Variants in ST6GAL1 observed in about 807,000 individuals in gnomAD.
The protein encoded by ST6GAL1 is ST6 beta-galactoside alpha-2,6-sialyltransferase 1, also known as beta-galactoside alpha-2,6-sialyltransferase 1.
ST6GAL1 carries 20 observed loss-of-function variants against 38.0 expected under a neutral mutation model. That is an observed-to-expected ratio of 0.53 (90% CI 0.37 to 0.77). The LOEUF is 0.77. ST6GAL1 is among the 30% of genes least tolerant of loss of function. ST6GAL1 has a pLI of 0.00. For missense variants in ST6GAL1, 432 were observed against 496.4 expected (o/e 0.87, Z 1.23); for synonymous variants, 196 against 188.2 (o/e 1.04, Z -0.34).
At chr3:186,984,789 T>C (rs1051793234) in intron 2 of ST6GAL1, among the ~76,000 whole-genome samples, 1 of 25,094 alleles carries the variant, frequency 4.0e-5, no homozygotes, top group African/African-American at 1.4e-4. Context: ...CCTTCCTCCC[T>C]TCCTTCCTTC....
At chr3:186,955,858 C>T (rs1035108671) in intron 1 of ST6GAL1, among the ~76,000 whole-genome samples, 1 of 152,166 alleles carries the variant, frequency 6.6e-6, no homozygotes, top group African/African-American at 2.4e-5. Context: ...AGAGGTCCTT[C>T]ACTTCCCTTG....
At chr3:187,000,476 C>T (rs1052911864) in intron 2 of ST6GAL1, among the ~76,000 whole-genome samples, 14 of 151,926 alleles carry the variant, frequency 9.2e-5, no homozygotes, top group South Asian at 4.2e-4. Flanking sequence ...GCAGGAGAAT[C>T]GCTTGAACCC....
At chr3:187,074,097 C>G (rs1719479504) in intron 6 of ST6GAL1, 62 bp from the exon 7 acceptor site, 1 of 1,481,096 alleles carries the variant, frequency 6.8e-7, no homozygotes. Context: ...GAAGATGACT[C>G]CTGGGGGGAG....
At chr3:187,009,013 A>G (rs1054939586) in intron 2 of ST6GAL1, among the ~76,000 whole-genome samples, 1 of 152,162 alleles carries the variant, frequency 6.6e-6, no homozygotes, top group African/African-American at 2.4e-5. Flanking sequence ...AGATAGAATT[A>G]CTGAATTAAA....
chr3:187,050,552 GAGAGAGAGGGAGGGAGGGAAGGAA>G (rs1369315825), intron 4 of ST6GAL1, among the ~76,000 whole-genome samples: 37 of 104,352 alleles, frequency 3.5e-4, no homozygotes, highest in African/African-American at 1.1e-3. Context: ...GAGAGAGAGA[GAGAGAGAGGGAGGGAGGGAAGGAA>G]GGAGGGAGGG....
intron 2 of ST6GAL1, among the ~76,000 whole-genome samples, chr3:187,016,882 C>T (rs1272805848): frequency 6.6e-6 from 1 of 152,176 alleles, no homozygotes; most frequent in Non-Finnish European, 1.5e-5. Context: ...GACAAGATCA[C>T]CACGTGGGGA....
intron 5 of ST6GAL1, among the ~76,000 whole-genome samples, chr3:187,066,234 C>CT (rs1201675353): frequency 1.3e-5 from 2 of 152,106 alleles, no homozygotes; most frequent in Non-Finnish European, 2.9e-5. Context: ...TCTGGGGCTT[C>CT]TTGATTTGGG....
chr3:186,985,884 G>A (rs75333068), intron 2 of ST6GAL1, among the ~76,000 whole-genome samples: 10,690 of 152,308 alleles, frequency 0.07, 486 homozygotes, highest in South Asian at 0.13. Flanking sequence ...CGTGTATGTG[G>A]GCATTTCAGG....
At chr3:187,022,261 C>CACACAT in intron 2 of ST6GAL1, among the ~76,000 whole-genome samples, 1 of 151,880 alleles carries the variant, frequency 6.6e-6, no homozygotes, top group East Asian at 1.9e-4. Context: ...GTGGGACCCC[C>CACACAT]ACACATATGG....
intron 5 of ST6GAL1, among the ~76,000 whole-genome samples, chr3:187,056,832 AATT>A (rs773718747): frequency 2.0e-5 from 3 of 152,102 alleles, no homozygotes. Context: ...GTATTTCCTG[AATT>A]TGAATGTTGG....
intron 5 of ST6GAL1, among the ~76,000 whole-genome samples, chr3:187,062,907 C>T (rs937700013): frequency 3.9e-5 from 6 of 152,112 alleles, no homozygotes; most frequent in African/African-American, 9.7e-5. Context: ...TTATATGGAA[C>T]ACCTGGAGTA....
intron 2 of ST6GAL1, among the ~76,000 whole-genome samples, chr3:186,987,214 G>GAAAGA (rs1289256860): frequency 1.0e-4 from 15 of 145,830 alleles, no homozygotes; most frequent in African/African-American, 4.0e-4. Context: ...GAAAGAAAAG[G>GAAAGA]AAAGAAAGCA....
intron 2 of ST6GAL1, among the ~76,000 whole-genome samples, chr3:187,034,954 G>A (rs1717878610): frequency 6.6e-6 from 1 of 152,162 alleles, no homozygotes; most frequent in South Asian, 2.1e-4. Context: ...AGGAAAAGAA[G>A]TCAAACTGTC....
At position 187,078,429 on chromosome 3, in the gene ST6GAL1, C is replaced by T. The variant is rs1261932579; in HGVS notation, c.*2626C>T. Reference sequence around the variant, plus strand: ...ATGGGACCCTCTCTAATCCTTCCACCAATCAAATAAGCTATTGCTATTGGT... The same window carrying T: ...ATGGGACCCTCTCTAATCCTTCCACTAATCAAATAAGCTATTGCTATTGGT... On this transcript the variant is annotated 3_prime_UTR_variant, in exon 8 of 8. Transcript: ENST00000169298. The T allele has an allele frequency of 2.0e-5, 3 of 152,152 alleles. No homozygotes were observed. The highest frequency in any genetic ancestry group is 4.4e-5 in the Non-Finnish European group (3 of 68,038). The allele number at this position is 152,152 out of a possible 1,614,324, so 9.4% of individuals were successfully genotyped here. A position where few individuals can be genotyped will look rare whatever the true frequency, so the allele number is the denominator to read the frequency against.
intron 2 of ST6GAL1, among the ~76,000 whole-genome samples, chr3:187,035,677 G>A (rs1717905827): frequency 6.6e-6 from 1 of 152,176 alleles, no homozygotes; most frequent in African/African-American, 2.4e-5. Flanking sequence ...TTCAATAAAT[G>A]ATGCTGGAAT....
At chr3:187,004,455 T>A (rs975490532) in intron 2 of ST6GAL1, among the ~76,000 whole-genome samples, 1 of 152,222 alleles carries the variant, frequency 6.6e-6, no homozygotes, top group Non-Finnish European at 1.5e-5. Context: ...GATGGCCTTT[T>A]ATAAGCATTA....
intron 2 of ST6GAL1, among the ~76,000 whole-genome samples, chr3:186,969,347 G>A (rs1013293445): frequency 1.2e-4 from 19 of 152,050 alleles, no homozygotes; most frequent in African/African-American, 3.6e-4. Context: ...GCCACAGCGC[G>A]CAGCCCATCT....
chr3:187,042,923 G>A lies in ST6GAL1; in HGVS notation c.220G>A (p.Gly74Ser). 3 of 1,614,176 alleles carry A rather than the reference G, an allele frequency of 1.9e-6. No homozygotes were observed. The highest frequency in any genetic ancestry group is 2.5e-6 in the Non-Finnish European group (3 of 1,180,028). ...SSSSTQDPHRGRQTLGSLRGL... is the reference protein window; with the variant it reads ...SSSSTQDPHRSRQTLGSLRGL... ...AAGCAGCACCCAGGACCCCCACAGG[G>A]GCCGCCAGACCCTCGGCAGTCTCAG... is the stretch of plus-strand genomic sequence containing the variant. The change falls in exon 4 of 8, where the codon GGC becomes AGC. Residue 74 changes from glycine to serine, a missense_variant. By Grantham distance (56) the Gly-to-Ser change is moderately conservative (BLOSUM62 0). Coordinates refer to ENST00000169298, the MANE Select transcript of ST6GAL1 (RefSeq NM_173216.2).
intron 5 of ST6GAL1, among the ~76,000 whole-genome samples, chr3:187,066,829 T>C (rs191442235): frequency 6.6e-6 from 1 of 152,078 alleles, no homozygotes; most frequent in East Asian, 1.9e-4. Flanking sequence ...CCTAAGAGGA[T>C]CTCCAAACCC....
Sources: allele counts gnomAD v4.1 joint callset (sites outside exome capture counted in the v4.1 genomes callset), GRCh38; gene constraint gnomAD v4.1.1; transcripts MANE v1.5; gene names NCBI Gene and HGNC (gene_info 2026-07-23, HGNC 2026-07-21).